DNAH3: variants seen among roughly 807,000 people sequenced by gnomAD.
DNAH3 encodes the protein axonemal beta dynein heavy chain 3.
Under a neutral mutation model 432.5 loss-of-function variants are expected in DNAH3, and 332 were observed. That is an observed-to-expected ratio of 0.77 (90% CI 0.70 to 0.84). The LOEUF (loss-of-function observed/expected upper bound fraction) is 0.84, where lower values mean the gene tolerates loss of function less well. Ranked by LOEUF, DNAH3 falls within the 40% of genes least tolerant of loss-of-function variation. The pLI, the probability that DNAH3 is intolerant of heterozygous loss-of-function variation, is 0.00. For missense variants in DNAH3, 4,861 were observed against 5,114.0 expected, an observed-to-expected ratio of 0.95 and a Z score of 1.51; for synonymous variants, 1,956 against 1,900.2, an observed-to-expected ratio of 1.03 and a Z score of -0.76.
chr16:20,960,163 A>G (rs2084753129), intron 53 of DNAH3, among the ~76,000 whole-genome samples: 1 of 152,112 alleles, frequency 6.6e-6, no homozygotes. Context: ...AACAATGTAC[A>G]TATCTTATAG....
intron 18 of DNAH3, among the ~76,000 whole-genome samples, chr16:21,093,035 CCTCAT>C (rs2091583683): frequency 6.6e-6 from 1 of 151,510 alleles, no homozygotes; most frequent in African/African-American, 2.4e-5. Context: ...TTAGTGAGAC[CCTCAT>C]CTCAATTTAA....
intron 16 of DNAH3, among the ~76,000 whole-genome samples, chr16:21,100,581 G>A (rs529865104): frequency 6.6e-6 from 1 of 152,298 alleles, no homozygotes; most frequent in South Asian, 2.1e-4. Context: ...CTCTCCCTAA[G>A]ATGTCTTCCC....
In DNAH3 at chr16:21,122,122, A is replaced by G. The variant is rs77412125; in HGVS notation, c.1407T>C (p.Asp469=). 1,174 of 1,610,048 alleles carry G rather than the reference A, an allele frequency of 7.3e-4. 15 individuals are homozygous for G. In the African/African-American group the frequency reaches 0.014, roughly 20 times the overall value. Reference sequence around the variant, plus strand: ...GGTAGGGCTCCTTAAAATCATTCCCATCCTTCAGGAGACATAAGGTAGGGC... The same window carrying G: ...GGTAGGGCTCCTTAAAATCATTCCCGTCCTTCAGGAGACATAAGGTAGGGC... Residue 469 remains aspartate, a splice_region_variant and synonymous_variant, in exon 10 of 62, where the codon GAT becomes GAC. Transcript: ENST00000261383.
exon 35 of DNAH3, chr16:21,036,780 C>T: frequency 5.6e-6 from 9 of 1,613,304 alleles, no homozygotes; most frequent in Non-Finnish European, 7.6e-6. Flanking sequence ...TATCATTCAG[C>T]ACTTTCAGAA....
intron 19 of DNAH3, 115 bp from the exon 20 acceptor site, chr16:21,081,842 G>C (rs907421583): frequency 1.4e-6 from 1 of 721,252 alleles, no homozygotes; most frequent in East Asian, 2.8e-5. Flanking sequence ...TAACAGCCAC[G>C]AGTGGCAGGT....
At chr16:20,974,975 C>T (rs1484081547) in intron 51 of DNAH3, among the ~76,000 whole-genome samples, 1 of 147,318 alleles carries the variant, frequency 6.8e-6, no homozygotes, top group Non-Finnish European at 1.5e-5. Flanking sequence ...CACGCCACCA[C>T]ACCTGGCTAG....
chr16:20,964,240 GGCTTCTCCTTC>G lies in DNAH3; in HGVS notation c.9633_9643del (p.Lys3212ArgfsTer24). ...CTGGTTCTTTTTCTCTTCCAGCTCT[GGCTTCTCCTTC>G]GCAGCCACGATGCCAAGGAGTTGAT... is the stretch of plus-strand genomic sequence containing the variant. On this transcript the variant is annotated frameshift_variant, in exon 53 of 62. Coordinates refer to ENST00000261383, the Ensembl canonical transcript of DNAH3. LOFTEE classifies it high-confidence loss of function. 3 of 1,614,108 alleles carry G rather than the reference GGCTTCTCCTTC, an allele frequency of 1.9e-6. No individual in the cohort carries two copies. Among genetic ancestry groups the G allele is most frequent in the Non-Finnish European group, 1.7e-6 (2 of 1,180,032 alleles).
rs986892371 is a variant in DNAH3 at position 20,981,329 on chromosome 16, T to G, written c.7859+1392A>C. ...TACCCACAAGCACGTGGACCCAGGTTAAGGGTCTTCTGGTCTAGATAATAA... is the reference window on the plus strand; with the variant it reads ...TACCCACAAGCACGTGGACCCAGGTGAAGGGTCTTCTGGTCTAGATAATAA... On this transcript the variant is annotated intron_variant, in intron 49 of 61. Coordinates refer to ENST00000261383, the Ensembl canonical transcript of DNAH3. Among the ~76,000 whole-genome samples the G allele has an allele frequency of 2.6e-5, 4 of 152,334 alleles. No individual in the cohort carries two copies. The East Asian group carries it at 7.7e-4, about 29-fold the overall frequency.
chr16:21,127,896 C>T, intron 7 of DNAH3, 84 bp from the exon 9 acceptor site: 6 of 1,504,348 alleles, frequency 4.0e-6, no homozygotes, highest in Non-Finnish European at 5.5e-6. Context: ...GGTGTGTGTT[C>T]ACGTTTCTCA....
At chr16:20,943,143 TG>T (rs982835593) in intron 58 of DNAH3, among the ~76,000 whole-genome samples, 1 of 151,998 alleles carries the variant, frequency 6.6e-6, no homozygotes, top group African/African-American at 2.4e-5. Flanking sequence ...TGCAGTGGCA[TG>T]ATCTCAGCTC....
chr16:20,952,357 G>A (rs929430472), intron 56 of DNAH3, 76 bp downstream of exon 56: 11 of 898,032 alleles, frequency 1.2e-5, no homozygotes, highest in Non-Finnish European at 1.9e-5. Context: ...TAAGTGAATG[G>A]AAATGGGAGG....
At chr16:21,042,560 T>TGG (rs2089493715) in intron 31 of DNAH3, among the ~76,000 whole-genome samples, 28 of 152,224 alleles carry the variant, frequency 1.8e-4, no homozygotes, top group Non-Finnish European at 5.9e-5. Flanking sequence ...TACACTCTTT[T>TGG]GTGATGCATC....
exon 38 of DNAH3, chr16:21,027,048 G>C (rs774776425): frequency 1.2e-6 from 2 of 1,613,434 alleles, no homozygotes; most frequent in African/African-American, 2.7e-5. Context: ...GGCTGGAGAG[G>C]CTTGCTCGAG....
intron 31 of DNAH3, among the ~76,000 whole-genome samples, chr16:21,047,360 AG>A (rs2089749789): frequency 6.7e-6 from 1 of 149,382 alleles, no homozygotes; most frequent in African/African-American, 2.5e-5. Context: ...TATTTCTTGG[AG>A]GCTTTGCTCA....
chr16:21,140,777 C>A, intron 4 of DNAH3, 67 bp from the exon 6 acceptor site: 1 of 1,481,118 alleles, frequency 6.8e-7, no homozygotes, highest in South Asian at 1.2e-5. Context: ...GTGTTGCCTA[C>A]TTTCCCTAGC....
At chr16:21,045,101 T>C in intron 31 of DNAH3, among the ~76,000 whole-genome samples, 1 of 152,248 alleles carries the variant, frequency 6.6e-6, no homozygotes, top group East Asian at 1.9e-4. Flanking sequence ...GATTTTTGCA[T>C]CGATGTTCAT....
At chr16:21,063,691 T>A (rs564587077) in intron 24 of DNAH3, among the ~76,000 whole-genome samples, 1 of 151,892 alleles carries the variant, frequency 6.6e-6, no homozygotes, top group Admixed American at 6.6e-5. Context: ...TACAGGCGCA[T>A]GCCACCACGC....
intron 20 of DNAH3, among the ~76,000 whole-genome samples, chr16:21,076,048 G>A (rs1233002525): frequency 6.6e-6 from 1 of 152,004 alleles, no homozygotes; most frequent in Non-Finnish European, 1.5e-5. Context: ...GTGTTTTGCA[G>A]GGTTTCTCAC....
In DNAH3 at chr16:21,098,781, G is replaced by C. The variant is rs761428504; in HGVS notation, c.2367-12C>G. On this transcript the variant is annotated splice_polypyrimidine_tract_variant and intron_variant, in intron 16 of 61. Transcript: ENST00000261383. The stretch of plus-strand genomic sequence containing the variant: ...CAAATTCTGAGCATCTGAAAATAAA[G>C]ACAGCCTGGTTACCTTTGGACTTTG... 6.8e-6 allele frequency: 11 copies of C among 1,606,696 alleles called. No homozygotes were observed. The East Asian group carries it at 2.2e-4, about 33-fold the overall frequency.
Sources: allele counts gnomAD v4.1 joint callset (sites outside exome capture counted in the v4.1 genomes callset), GRCh38; gene constraint gnomAD v4.1.1; transcripts MANE v1.5; gene names NCBI Gene and HGNC (gene_info 2026-07-23, HGNC 2026-07-21).